The following RPAP2 variants were observed in gnomAD, a reference collection of about 807,000 sequenced individuals.
RPAP2 encodes the protein RNA polymerase II associated protein 2.
Under a neutral mutation model 73.1 loss-of-function variants are expected in RPAP2, and 52 were observed. The observed-to-expected ratio is 0.71, with a 90% CI of 0.57 to 0.90. The LOEUF (loss-of-function observed/expected upper bound fraction) is 0.90, where lower values mean the gene tolerates loss of function less well. Ranked by LOEUF, RPAP2 falls within the 40% of genes least tolerant of loss-of-function variation. The probability of loss-of-function intolerance (pLI) is 0.00; values close to 1 mark genes in which losing one functional copy is unlikely to be tolerated. For synonymous variants in RPAP2, 225 were observed against 242.1 expected (o/e 0.93, Z 0.65); for missense variants, 598 against 701.8 (o/e 0.85, Z 1.67).
chr1:92,358,728 T>G (rs889715172), intron 11 of RPAP2, among the ~76,000 whole-genome samples: 1 of 151,736 alleles, frequency 6.6e-6, no homozygotes, highest in African/African-American at 2.4e-5. Context: ...GCTGGGACCA[T>G]AGGCATGCAC....
In RPAP2 at chr1:92,323,529, A is replaced by C; in HGVS notation, c.609A>C (p.Gln203His). The change falls in exon 8 of 13, where the codon CAA (glutamine) becomes CAC (histidine). Residue 203 changes from glutamine (Q) to histidine (H), a missense_variant. Around this residue, in one of 3 missense-constraint regions of RPAP2, gnomAD observed 506 missense variants for 612.8 expected, o/e 0.83. Coordinates refer to ENST00000610020, the MANE Select transcript of RPAP2 (RefSeq NM_024813.3). Reference sequence around the variant, plus strand: ...ACAATCCTAGCCACTTTGAAAAGCAATATGAATCTAGTTCTTCTAGCACTC... The same window carrying C: ...ACAATCCTAGCCACTTTGAAAAGCACTATGAATCTAGTTCTTCTAGCACTC... ...DIDNPSHFEK[Q>H]YESSSSSTHS... 1 of 1,613,870 alleles carries C rather than the reference A, an allele frequency of 6.2e-7. No homozygotes were observed. The highest frequency in any genetic ancestry group is 1.1e-5 in the South Asian group (1 of 91,076).
chr1:92,373,770 A>AAAAC (rs1557630371), intron 11 of RPAP2, among the ~76,000 whole-genome samples: 1 of 138,328 alleles, frequency 7.2e-6, no homozygotes, highest in Admixed American at 7.4e-5. Flanking sequence ...AAAAAAAAAA[A>AAAAC]GTAGCCAGGC....
chr1:92,386,975 CAT>C lies in RPAP2; in HGVS notation c.*-35_*-34del, dbSNP rs746657874. 1.9e-6 allele frequency: 3 copies of C among 1,576,814 alleles called. No individual in the cohort carries two copies. The Admixed American group carries it at 5.1e-5, about 27-fold the overall frequency. On this transcript the variant is annotated intron_variant, in intron 12 of 12. Coordinates refer to ENST00000610020, the MANE Select transcript of RPAP2 (RefSeq NM_024813.3). Reference sequence around the variant, plus strand: ...ATCTGCCTGCCTTGGCCTCCCAATACATGTTTTACTCAAAGTATCCTTTTTTG... The same window carrying C: ...ATCTGCCTGCCTTGGCCTCCCAATACGTTTTACTCAAAGTATCCTTTTTTG...
At chr1:92,369,443 T>C (rs1344688310) in intron 11 of RPAP2, among the ~76,000 whole-genome samples, 1 of 152,166 alleles carries the variant, frequency 6.6e-6, no homozygotes, top group Non-Finnish European at 1.5e-5. Flanking sequence ...TTGTTGGGAC[T>C]TCAGGCGTGC....
chr1:92,308,670 A>T (rs957055017), intron 6 of RPAP2, among the ~76,000 whole-genome samples: 9 of 152,222 alleles, frequency 5.9e-5, no homozygotes, highest in African/African-American at 2.2e-4. Flanking sequence ...ATTTAAAACA[A>T]ATCTTCCAGC....
At position 92,390,473 on chromosome 1, in the gene RPAP2, G is replaced by T. The variant is rs1356514737; in HGVS notation, c.*3462G>T. On this transcript the variant is annotated 3_prime_UTR_variant, in exon 13 of 13. Transcript: ENST00000610020. The stretch of plus-strand genomic sequence containing the variant: ...TGGTAAAGACCATCAACACTATGAA[G>T]AAACTGCATCAATTAATGGATGAAA... The T allele has an allele frequency of 6.6e-6, 1 of 152,150 alleles. No individual in the cohort carries two copies. Among genetic ancestry groups the T allele is most frequent in the Non-Finnish European group, 1.5e-5 (1 of 68,036 alleles). 9.4% of individuals were successfully genotyped at this position (152,150 alleles called of 1,614,324 possible). A position where few individuals can be genotyped will look rare whatever the true frequency, so the allele number is the denominator to read the frequency against.
Position 92,369,708 on chromosome 1 carries a change from TAAAC to T in RPAP2, c.1689-11014_1689-11011del, listed in dbSNP as rs201158849. Reference sequence around the variant, plus strand: ...AGGAGTTGTTCATTAATGAAAAAATTAAACAGGTAAGTAATTAGTATATCATAAT... The same window carrying T: ...AGGAGTTGTTCATTAATGAAAAAATTAGGTAAGTAATTAGTATATCATAAT... On this transcript the variant is annotated intron_variant, in intron 11 of 12. Transcript: ENST00000610020. 5.9e-3 allele frequency among the ~76,000 whole-genome samples: 901 copies of T among 152,142 alleles called. 7 individuals carry two copies. The highest frequency in any genetic ancestry group is 0.019 in the African/African-American group (794 of 41,490).
At chr1:92,324,746 A>G (rs148199931) in intron 8 of RPAP2, among the ~76,000 whole-genome samples, 2 of 152,236 alleles carry the variant, frequency 1.3e-5, no homozygotes, top group African/African-American at 4.8e-5. Context: ...GTGTGTGTTT[A>G]ATGGAAGTAT....
chr1:92,319,288 G>T (rs191808837), intron 6 of RPAP2, among the ~76,000 whole-genome samples: 224 of 152,254 alleles, frequency 1.5e-3, no homozygotes, highest in Non-Finnish European at 2.9e-3. Flanking sequence ...GTTATTATGA[G>T]CTTTACTGTC....
intron 11 of RPAP2, among the ~76,000 whole-genome samples, chr1:92,366,525 T>C (rs893625137): frequency 2.0e-5 from 3 of 152,192 alleles, no homozygotes; most frequent in East Asian, 3.8e-4. Flanking sequence ...CAGGGAGCTA[T>C]TGTGTTACTT....
intron 1 of RPAP2, 66 bp from the exon 2 acceptor site, chr1:92,300,128 G>C (rs1240576833): frequency 1.8e-6 from 2 of 1,091,818 alleles, no homozygotes; most frequent in Non-Finnish European, 2.8e-6. Context: ...TGAGACCGCT[G>C]TCTGTATGCT....
At chr1:92,316,350 C>T (rs2101146757) in intron 6 of RPAP2, among the ~76,000 whole-genome samples, 1 of 152,248 alleles carries the variant, frequency 6.6e-6, no homozygotes, top group South Asian at 2.1e-4. Context: ...TAAAAGCTTT[C>T]TGAAACAGGG....
At chr1:92,352,094 T>A (rs898358469) in intron 11 of RPAP2, among the ~76,000 whole-genome samples, 6 of 152,322 alleles carry the variant, frequency 3.9e-5, no homozygotes, top group Admixed American at 2.6e-4. Context: ...GCCCTTGATG[T>A]TCTCTAATGG....
chr1:92,352,457 T>A (rs200521246), intron 11 of RPAP2, among the ~76,000 whole-genome samples: 2 of 142,990 alleles, frequency 1.4e-5, no homozygotes, highest in East Asian at 2.1e-4. Flanking sequence ...TGTTTTTTTT[T>A]AAAGCCTGCC....
rs71091273 is a variant in RPAP2 at position 92,305,432 on chromosome 1, C to CAAAAAAAAAAAAAAAAA, written c.399+1086_399+1102dup. Among the ~76,000 whole-genome samples the CAAAAAAAAAAAAAAAAA allele has an allele frequency of 1.9e-3, 99 of 52,676 alleles. 6 individuals carry two copies. The highest frequency in any genetic ancestry group is 6.0e-3 in the African/African-American group (45 of 7,522). The allele number at this position is 52,676 out of a possible 152,430, so 34.6% of individuals were successfully genotyped here. ...GGGGCAACAGAGTGAGGCTCCGTCTCAAAAAAAAAAAAAAAAAAAGACAAT... is the reference window on the plus strand; with the variant it reads ...GGGGCAACAGAGTGAGGCTCCGTCTCAAAAAAAAAAAAAAAAAAAAAAAAAAAAAAAAAAAAGACAAT... On this transcript the variant is annotated intron_variant, in intron 5 of 12. Coordinates refer to ENST00000610020, the MANE Select transcript of RPAP2 (RefSeq NM_024813.3).
chr1:92,356,592 T>G (rs1571118478), intron 11 of RPAP2, among the ~76,000 whole-genome samples: 1 of 150,378 alleles, frequency 6.6e-6, no homozygotes, highest in Admixed American at 6.6e-5. Flanking sequence ...CTAATTTTTT[T>G]TTTTTTTTTT....
In RPAP2 at chr1:92,323,673, A is replaced by T; in HGVS notation, c.753A>T (p.Lys251Asn). The T allele has an allele frequency of 6.2e-7, 1 of 1,613,704 alleles. No individual in the cohort carries two copies. The highest frequency in any genetic ancestry group is 8.5e-7 in the Non-Finnish European group (1 of 1,179,880). The change falls in exon 8 of 13, where the codon AAA (lysine) becomes AAT (asparagine). Residue 251 changes from lysine (K) to asparagine (N), a missense_variant. Transcript: ENST00000610020. ...QLHQKSIMKK[K>N]AGHKANSKHK... ...ACCAAAAAAGCATAATGAAAAAGAA[A>T]GCTGGTCACAAAGCTAACTCCAAAC...
intron 11 of RPAP2, among the ~76,000 whole-genome samples, chr1:92,347,089 G>C (rs1455172959): frequency 6.6e-6 from 1 of 152,148 alleles, no homozygotes; most frequent in Non-Finnish European, 1.5e-5. Flanking sequence ...CAGTGAGCCA[G>C]AATCTGTGTC....
At chr1:92,353,496 G>C (rs1004602864) in intron 11 of RPAP2, among the ~76,000 whole-genome samples, 1 of 152,050 alleles carries the variant, frequency 6.6e-6, no homozygotes, top group Non-Finnish European at 1.5e-5. Context: ...TACTATACAC[G>C]CAAAATGAGT....
Sources: gnomAD v4.1 joint callset for allele counts (sites outside exome capture counted in the v4.1 genomes callset) on GRCh38, gnomAD v4.1.1 for gene constraint, gnomAD v4.1.1 regional missense constraint, MANE v1.5 for transcripts, NCBI Gene and HGNC (gene_info 2026-07-23, HGNC 2026-07-21) for gene names.